The following USP6NL variants were observed in gnomAD, a reference collection of about 807,000 sequenced individuals.
USP6NL encodes USP6 N-terminal like.
A neutral mutation model predicts 61.9 loss-of-function variants in USP6NL; 26 were observed. That is an observed-to-expected ratio of 0.42 (90% CI 0.31 to 0.58). The LOEUF (loss-of-function observed/expected upper bound fraction) is 0.58, where lower values mean the gene tolerates loss of function less well. Among genes scored for constraint, USP6NL ranks in the 20% least tolerant of loss-of-function variants. USP6NL has a pLI of 0.16. For synonymous variants in USP6NL, 432 were observed against 390.1 expected (o/e 1.11, Z -1.27); for missense variants, 1,114 against 1,034.3 (o/e 1.08, Z -1.06).
chr10:11,571,711 T>G (rs1837368876), intron 2 of USP6NL, among the ~76,000 whole-genome samples: 1 of 151,882 alleles, frequency 6.6e-6, no homozygotes, highest in South Asian at 2.1e-4. Flanking sequence ...GACTTTTTTT[T>G]TCAAGGAGTC....
chr10:11,485,170 C>A lies in USP6NL; in HGVS notation c.824G>T (p.Arg275Leu). ...TGAGTTTTGTAAATAAATACTTACA[C>A]GATCAAGGAAACACTGAAAAAACCA... ...MKWFFQCFLD[R>L]TPFTLNLRIW... Residue 275 changes from arginine to leucine, a missense_variant and splice_region_variant, in exon 12 of 15, where the codon CGT (arginine) becomes CTT (leucine). Transcript: ENST00000609104. This position sits in a 1 kb window ranked among gnomAD's most constrained non-coding sequence, Gnocchi z 4.8. The A allele has an allele frequency of 1.3e-6, 2 of 1,540,442 alleles. No individual in the cohort carries two copies. Among genetic ancestry groups the A allele is most frequent in the Middle Eastern group, 1.7e-4 (1 of 5,962 alleles).
chr10:11,553,304 T>G lies in USP6NL; in HGVS notation c.5-25737A>C, dbSNP rs534751761. Among the ~76,000 whole-genome samples the G allele has an allele frequency of 6.6e-6, 1 of 152,324 alleles. No homozygotes were observed. Among genetic ancestry groups the G allele is most frequent in the East Asian group, 1.9e-4 (1 of 5,190 alleles). On this transcript the variant is annotated intron_variant, in intron 2 of 14. Transcript: ENST00000609104. This position sits in a 1 kb window ranked among gnomAD's most constrained non-coding sequence, Gnocchi z 4.8. Reference sequence around the variant, plus strand: ...TTTGGCAGGCATGTCGCAAGTAACTTGCCAATAATGACAATTAACAACACT... The same window carrying G: ...TTTGGCAGGCATGTCGCAAGTAACTGGCCAATAATGACAATTAACAACACT...
chr10:11,500,031 G>A (rs1394663990), intron 7 of USP6NL, among the ~76,000 whole-genome samples: 1 of 152,218 alleles, frequency 6.6e-6, no homozygotes, highest in South Asian at 2.1e-4. Context: ...CATGGATGGA[G>A]TTGGAAGCCA....
intron 2 of USP6NL, among the ~76,000 whole-genome samples, chr10:11,568,392 G>C (rs1566187083): frequency 6.6e-6 from 1 of 152,110 alleles, no homozygotes; most frequent in Admixed American, 6.6e-5. Flanking sequence ...AAAGTCATAT[G>C]ATAGTAAAAC....
At chr10:11,471,149 C>T (rs1832726392) in intron 14 of USP6NL, among the ~76,000 whole-genome samples, 3 of 152,152 alleles carry the variant, frequency 2.0e-5, no homozygotes, top group South Asian at 4.1e-4. Flanking sequence ...CGCCACTGCA[C>T]TCCAGCCTGG....
At chr10:11,567,376 G>C (rs994524207) in intron 2 of USP6NL, among the ~76,000 whole-genome samples, 4 of 152,038 alleles carry the variant, frequency 2.6e-5, no homozygotes, top group African/African-American at 9.7e-5. Context: ...AAACAAAATG[G>C]ACTCATTTTT....
In USP6NL at chr10:11,462,898, A is replaced by G; in HGVS notation, c.2030T>C (p.Val677Ala). ...SRRPHGSTLS[V>A]SASPEKSYSR... The stretch of plus-strand genomic sequence containing the variant: ...GTAAGATTTCTCCGGAGAAGCACTG[A>G]CGGAAAGAGTAGAACCATGAGGTCT... The change falls in exon 15 of 15, where the codon GTC becomes GCC. Residue 677 changes from valine to alanine, a missense_variant. Physicochemically the swap from Val to Ala is moderately conservative, Grantham distance 64. Coordinates refer to ENST00000609104, the MANE Select transcript of USP6NL (RefSeq NM_014688.5). 4 of 1,613,632 alleles carry G rather than the reference A, an allele frequency of 2.5e-6. No homozygotes were observed. The East Asian group carries it at 6.7e-5, about 27-fold the overall frequency.
rs1214756962 is a variant in USP6NL, at chr10:11,518,990, G to C, written c.156-416C>G. 6.6e-6 allele frequency among the ~76,000 whole-genome samples: 1 copy of C among 152,204 alleles called. No individual in the cohort carries two copies. The highest frequency in any genetic ancestry group is 1.5e-5 in the Non-Finnish European group (1 of 68,042). On this transcript the variant is annotated intron_variant, in intron 4 of 14. Coordinates refer to ENST00000609104, the MANE Select transcript of USP6NL (RefSeq NM_014688.5). This position sits in a 1 kb window ranked among gnomAD's most constrained non-coding sequence, Gnocchi z 5.3. Reference sequence around the variant, plus strand: ...GACAGCACTGCTCCAGACTAGGAGTGAGCAAACTTCTTCTCGCAAGATAAA... The same window carrying C: ...GACAGCACTGCTCCAGACTAGGAGTCAGCAAACTTCTTCTCGCAAGATAAA...
rs1275579123 is a variant in USP6NL at position 11,540,306 on chromosome 10, T to G, written c.5-12739A>C. On this transcript the variant is annotated intron_variant, in intron 2 of 14. Coordinates refer to ENST00000609104, the MANE Select transcript of USP6NL (RefSeq NM_014688.5). This position sits in a 1 kb window ranked among gnomAD's most constrained non-coding sequence, Gnocchi z 5.0. Reference sequence around the variant, plus strand: ...TGGACCTGCTATATTATGTTTTAAGTTGTGTGTTTTAGGATAATAACAAGA... The same window carrying G: ...TGGACCTGCTATATTATGTTTTAAGGTGTGTGTTTTAGGATAATAACAAGA... 6.6e-6 allele frequency among the ~76,000 whole-genome samples: 1 copy of G among 152,216 alleles called. No individual in the cohort carries two copies. The highest frequency in any genetic ancestry group is 6.5e-5 in the Admixed American group (1 of 15,288).
At position 11,499,436 on chromosome 10, in the gene USP6NL, G is replaced by C. The variant is rs1834080234; in HGVS notation, c.384+1665C>G. 1.3e-5 allele frequency among the ~76,000 whole-genome samples: 2 copies of C among 152,136 alleles called. No individual in the cohort carries two copies. The highest frequency in any genetic ancestry group is 1.3e-4 in the Admixed American group (2 of 15,278). ...ACTGAAAATTAGAGTACTATTAGCAGGCAAGCTGGGATGAATAGTGTCCCT... is the reference window on the plus strand; with the variant it reads ...ACTGAAAATTAGAGTACTATTAGCACGCAAGCTGGGATGAATAGTGTCCCT... On this transcript the variant is annotated intron_variant, in intron 7 of 14. Transcript: ENST00000609104. This position sits in a 1 kb window ranked among gnomAD's most constrained non-coding sequence, Gnocchi z 4.5.
At chr10:11,584,130 A>G (rs887817133) in intron 2 of USP6NL, among the ~76,000 whole-genome samples, 1 of 152,048 alleles carries the variant, frequency 6.6e-6, no homozygotes, top group African/African-American at 2.4e-5. Flanking sequence ...TGGGAGAATC[A>G]TCACTTGAGC....
chr10:11,591,376 G>T lies in USP6NL; in HGVS notation c.4+6255C>A, dbSNP rs1190966206. 1.3e-5 allele frequency among the ~76,000 whole-genome samples: 2 copies of T among 152,032 alleles called. No homozygotes were observed. The highest frequency in any genetic ancestry group is 4.8e-5 in the African/African-American group (2 of 41,394). On this transcript the variant is annotated intron_variant, in intron 2 of 14. Transcript: ENST00000609104. This position sits in a 1 kb window ranked among gnomAD's most constrained non-coding sequence, Gnocchi z 4.7. ...TATGCAATACGTTGTAGATCTAAAA[G>T]AAAACGTTTAATAACAGGTCTATAA...
chr10:11,548,039 G>A lies in USP6NL; in HGVS notation c.5-20472C>T, dbSNP rs748762006. Reference sequence around the variant, plus strand: ...TCCCCTCGATAACATCTCTTAATAAGTGATCACTCAATTTCTCCTTAAGGC... The same window carrying A: ...TCCCCTCGATAACATCTCTTAATAAATGATCACTCAATTTCTCCTTAAGGC... On this transcript the variant is annotated intron_variant, in intron 2 of 14. Transcript: ENST00000609104. The surrounding 1 kb of genome is among the most constrained non-coding windows in gnomAD (Gnocchi z 4.3). Among the ~76,000 whole-genome samples, 1 of 152,090 alleles carries A rather than the reference G, an allele frequency of 6.6e-6. No homozygotes were observed. The highest frequency in any genetic ancestry group is 1.5e-5 in the Non-Finnish European group (1 of 68,004).
intron 4 of USP6NL, among the ~76,000 whole-genome samples, chr10:11,523,973 T>G (rs1835323752): frequency 6.6e-6 from 1 of 152,196 alleles, no homozygotes; most frequent in East Asian, 1.9e-4. Context: ...GTCTTAATGG[T>G]TAAATTGTCC....
At position 11,522,399 on chromosome 10, in the gene USP6NL, C is replaced by G. The variant is rs143794945; in HGVS notation, c.155+2987G>C. On this transcript the variant is annotated intron_variant, in intron 4 of 14. Transcript: ENST00000609104. Reference sequence around the variant, plus strand: ...ACAGGGAATAATATCTACATGCTTACACCAAATGATTTTATTCAATAGCGC... The same window carrying G: ...ACAGGGAATAATATCTACATGCTTAGACCAAATGATTTTATTCAATAGCGC... 1.5e-4 allele frequency among the ~76,000 whole-genome samples: 23 copies of G among 152,300 alleles called. No individual in the cohort carries two copies. The East Asian group carries it at 3.9e-3, about 26-fold the overall frequency.
At position 11,463,157 on chromosome 10, in the gene USP6NL, C is replaced by T; in HGVS notation, c.1771G>A (p.Glu591Lys). ...LYPPSPRKHAEPSSSPSKVSN... is the reference protein window; with the variant it reads ...LYPPSPRKHAKPSSSPSKVSN... ...ACTTTTGATGGACTAGAACTTGGCT[C>T]AGCGTGCTTTCTCGGGCTAGGAGGG... Residue 591 changes from glutamate to lysine, a missense_variant, in exon 15 of 15, where the codon GAG becomes AAG. Coordinates refer to ENST00000609104, the MANE Select transcript of USP6NL (RefSeq NM_014688.5). This position sits in a 1 kb window ranked among gnomAD's most constrained non-coding sequence, Gnocchi z 6.3. 1 of 1,613,942 alleles carries T rather than the reference C, an allele frequency of 6.2e-7. No homozygotes were observed. Among genetic ancestry groups the T allele is most frequent in the East Asian group, 2.2e-5 (1 of 44,878 alleles).
At position 11,463,008 on chromosome 10, in the gene USP6NL, TC is replaced by T; in HGVS notation, c.1919del (p.Gly640GlufsTer25). 6.2e-7 allele frequency: 1 copy of T among 1,613,876 alleles called. No individual in the cohort carries two copies. Among genetic ancestry groups the T allele is most frequent in the Non-Finnish European group, 8.5e-7 (1 of 1,179,848 alleles). On this transcript the variant is annotated frameshift_variant, in exon 15 of 15. Transcript: ENST00000609104. LOFTEE classifies it low-confidence loss of function (END_TRUNC). The surrounding 1 kb of genome is among the most constrained non-coding windows in gnomAD (Gnocchi z 6.3). ...PSYSNPPVYH[G>X]NSPKHFPTAN... ...CAGTAGGGAAGTGTTTGGGAGAGTT[TC>T]CGTGGTAAACGGGGGGATTGCTGTA...
intron 6 of USP6NL, among the ~76,000 whole-genome samples, chr10:11,507,974 C>T (rs1244189548): frequency 6.6e-6 from 1 of 152,208 alleles, no homozygotes; most frequent in Non-Finnish European, 1.5e-5. Flanking sequence ...TATACTACTG[C>T]TTCTGTGGAA....
At chr10:11,529,743 A>G (rs1450977487) in intron 2 of USP6NL, among the ~76,000 whole-genome samples, 2 of 152,210 alleles carry the variant, frequency 1.3e-5, no homozygotes. Flanking sequence ...AGCCTTTGTC[A>G]GTTCCTTTTT....
Sources: allele counts gnomAD v4.1 joint callset (sites outside exome capture counted in the v4.1 genomes callset), GRCh38; gene constraint gnomAD v4.1.1; non-coding constraint Gnocchi (gnomAD v3.1); transcripts MANE v1.5; gene names NCBI Gene and HGNC (gene_info 2026-07-23, HGNC 2026-07-21).